TFAP4: variants seen among roughly 807,000 people sequenced by gnomAD.
The protein encoded by TFAP4 is transcription factor AP-4, also known as activating enhancer-binding protein 4.
Under a neutral mutation model 40.4 loss-of-function variants are expected in TFAP4, and 7 were observed. The observed-to-expected ratio is 0.17, with a 90% CI of 0.10 to 0.33. The LOEUF (loss-of-function observed/expected upper bound fraction) is 0.33. Among genes scored for constraint, TFAP4 ranks in the 10% least tolerant of loss-of-function variants. The pLI, the probability that TFAP4 is intolerant of heterozygous loss-of-function variation, is 1.00. For synonymous variants in TFAP4, 218 were observed against 181.4 expected, an observed-to-expected ratio of 1.20 and a Z score of -1.62; for missense variants, 374 against 451.1, an observed-to-expected ratio of 0.83 and a Z score of 1.55.
intron 6 of TFAP4, 86 bp downstream of exon 6, chr16:4,260,004 T>C: frequency 6.8e-7 from 1 of 1,463,580 alleles, no homozygotes. Context: ...CTTCCTCCGC[T>C]TCTGCCCCTC....
At chr16:4,270,886 T>C (rs1326274717) in intron 1 of TFAP4, among the ~76,000 whole-genome samples, 4 of 152,050 alleles carry the variant, frequency 2.6e-5, no homozygotes, top group African/African-American at 4.8e-5. Flanking sequence ...AGGACAAGGG[T>C]TCAAGTTCCA....
At chr16:4,269,625 A>C (rs1186470139) in intron 1 of TFAP4, among the ~76,000 whole-genome samples, 1 of 151,526 alleles carries the variant, frequency 6.6e-6, no homozygotes, top group Non-Finnish European at 1.5e-5. Context: ...TCCTGGCCAA[A>C]ATGGTGAAAC....
Position 4,261,948 on chromosome 16 carries a change from T to C in TFAP4, c.356A>G (p.Glu119Gly). ...QNTQLKRFIQELSGSSPKRRR... is the reference protein window; with the variant it reads ...QNTQLKRFIQGLSGSSPKRRR... The stretch of plus-strand genomic sequence containing the variant: ...TCGCTTGGGGGACGAGCCGCTCAGC[T>C]CCTGGGGACCCCAAGGAGTCGGTCA... Residue 119 changes from glutamate to glycine, a missense_variant and splice_region_variant, in exon 4 of 7, where the codon GAG becomes GGG. Glu to Gly is a moderately conservative substitution (Grantham distance 98). This residue lies in a region of TFAP4 where 51 missense variants were observed against 91.1 expected (regional missense o/e 0.56). Transcript: ENST00000204517. The C allele has an allele frequency of 2.5e-6, 4 of 1,602,906 alleles. No homozygotes were observed. The highest frequency in any genetic ancestry group is 3.4e-6 in the Non-Finnish European group (4 of 1,175,946).
In TFAP4 at chr16:4,257,295, G is replaced by A. The variant is rs1213655269; in HGVS notation, c.*760C>T. 3 of 105,894 alleles carry A rather than the reference G, an allele frequency of 2.8e-5. No individual in the cohort carries two copies. The highest frequency in any genetic ancestry group is 1.2e-4 in the Admixed American group (1 of 8,680). 6.6% of individuals were successfully genotyped at this position (105,894 alleles called of 1,614,324 possible). ...AATATAATAGCTTCTCCTTGAACAC[G>A]AAGACCTCAAAATTGTAAAAAAAAA... is the stretch of plus-strand genomic sequence containing the variant. On this transcript the variant is annotated 3_prime_UTR_variant, in exon 7 of 7. Transcript: ENST00000204517.
chr16:4,260,890 G>A (rs2052942520), intron 4 of TFAP4, among the ~76,000 whole-genome samples: 1 of 152,234 alleles, frequency 6.6e-6, no homozygotes, highest in Non-Finnish European at 1.5e-5. Context: ...CACTTCCATG[G>A]AGATGCCGTG....
At chr16:4,272,588 G>T in intron 1 of TFAP4, 70 bp downstream of exon 1, 1 of 1,278,038 alleles carries the variant, frequency 7.8e-7, no homozygotes, top group East Asian at 2.8e-5. Context: ...GCGCACACGC[G>T]CGCCCGCCCG....
intron 6 of TFAP4, 132 bp downstream of exon 6, chr16:4,259,958 C>T: frequency 1.6e-6 from 2 of 1,247,056 alleles, no homozygotes; most frequent in East Asian, 2.7e-5. Flanking sequence ...CCCCCCAAGG[C>T]TTCCAGCCCT....
intron 1 of TFAP4, among the ~76,000 whole-genome samples, chr16:4,267,694 C>T (rs1388332294): frequency 6.6e-6 from 1 of 152,240 alleles, no homozygotes; most frequent in Non-Finnish European, 1.5e-5. Flanking sequence ...TTCACACTGC[C>T]CTGAAGTCAC....
chr16:4,262,607 G>C lies in TFAP4; in HGVS notation c.184C>G (p.Gln62Glu). The change falls in exon 2 of 7, where the codon CAG becomes GAG. Residue 62 changes from glutamine to glutamate, a missense_variant. This residue lies in a region of TFAP4 where 9 missense variants were observed against 38.6 expected (regional missense o/e 0.23). Transcript: ENST00000204517. Reference protein sequence around the residue: ...IANSNERRRMQSINAGFQSLK... With the variant: ...IANSNERRRMESINAGFQSLK... The stretch of plus-strand genomic sequence containing the variant: ...GACTGGAATCCCGCGTTGATGCTCT[G>C]CATGCGTCTCCGCTCGTTGCTGTTG... 1 of 1,612,284 alleles carries C rather than the reference G, an allele frequency of 6.2e-7. No individual in the cohort carries two copies. Among genetic ancestry groups the C allele is most frequent in the Non-Finnish European group, 8.5e-7 (1 of 1,180,010 alleles).
At position 4,257,275 on chromosome 16, in the gene TFAP4, A is replaced by G. The variant is rs568822881; in HGVS notation, c.*780T>C. 6.6e-6 allele frequency: 1 copy of G among 150,768 alleles called. No individual in the cohort carries two copies. Among genetic ancestry groups the G allele is most frequent in the African/African-American group, 2.4e-5 (1 of 40,926 alleles). The allele number at this position is 150,768 out of a possible 1,614,324, so 9.3% of individuals were successfully genotyped here. ...TCTCCCCACTTTCTTAACAAAATAT[A>G]ATAGCTTCTCCTTGAACACGAAGAC... is the stretch of plus-strand genomic sequence containing the variant. On this transcript the variant is annotated 3_prime_UTR_variant, in exon 7 of 7. Transcript: ENST00000204517.
At chr16:4,263,270 T>A (rs1270587806) in intron 1 of TFAP4, 1 of 153,756 alleles carries the variant, frequency 6.5e-6, no homozygotes, top group Non-Finnish European at 1.4e-5. Flanking sequence ...CATCAAAACA[T>A]CCAAGAGCTT....
rs765492125 is a variant in TFAP4 at position 4,272,663 on chromosome 16, G to C, written c.84C>G (p.Leu28=). The C allele has an allele frequency of 6.2e-7, 1 of 1,611,954 alleles. No homozygotes were observed. Among genetic ancestry groups the C allele is most frequent in the Non-Finnish European group, 8.5e-7 (1 of 1,178,852 alleles). The part of the protein sequence containing the change: ...RKTEKEVIGG[L]CSLANIPLTP... ...GGGGGAGGAGGAGTACACACCTACA[G>C]AGCCCTCCTATCACTTCTTTCTCTG... is the stretch of plus-strand genomic sequence containing the variant. The change falls in exon 1 of 7, where the codon CTC becomes CTG. Residue 28 remains leucine (L), a synonymous_variant. Coordinates refer to ENST00000204517, the MANE Select transcript of TFAP4 (RefSeq NM_003223.3).
At chr16:4,260,672 C>G in intron 4 of TFAP4, 77 bp from the exon 5 acceptor site, 1 of 1,477,772 alleles carries the variant, frequency 6.8e-7, no homozygotes, top group Admixed American at 2.3e-5. Flanking sequence ...GCAGCTCATT[C>G]ACTCCTGCTG....
chr16:4,261,714 G>A, intron 4 of TFAP4, 65 bp downstream of exon 4: 1 of 1,471,626 alleles, frequency 6.8e-7, no homozygotes, highest in East Asian at 2.4e-5. Context: ...CAGAGCAAGA[G>A]GCGCGACCCC....
In TFAP4 at chr16:4,262,685, G is replaced by T. The variant is rs1270706448; in HGVS notation, c.106C>A (p.Leu36Ile). ...GGLCSLANIP[L>I]TPETQRDQER... ...TGGTCCCGCTGAGTCTCGGGGGTTA[G>T]TGGAATGTTGGCAAGGCTGCCAGAG... is the stretch of plus-strand genomic sequence containing the variant. The change falls in exon 2 of 7, where the codon CTA (leucine) becomes ATA (isoleucine). Residue 36 changes from leucine (L) to isoleucine (I), a missense_variant. Coordinates refer to ENST00000204517, the MANE Select transcript of TFAP4 (RefSeq NM_003223.3). 2 of 1,609,076 alleles carry T rather than the reference G, an allele frequency of 1.2e-6. No homozygotes were observed. The highest frequency in any genetic ancestry group is 1.7e-6 in the Non-Finnish European group (2 of 1,179,972).
At position 4,260,442 on chromosome 16, in the gene TFAP4, G is replaced by A. The variant is rs761671551; in HGVS notation, c.666+13C>T. On this transcript the variant is annotated intron_variant, in intron 5 of 6. Transcript: ENST00000204517. ...CGGTCCCCAGAGCCCACTCCCGGGCGCCTCCTGCTCACCTGGGTCCGCAGC... is the reference window on the plus strand; with the variant it reads ...CGGTCCCCAGAGCCCACTCCCGGGCACCTCCTGCTCACCTGGGTCCGCAGC... The A allele has an allele frequency of 1.2e-5, 19 of 1,566,006 alleles. No homozygotes were observed. Among genetic ancestry groups the A allele is most frequent in the South Asian group, 4.7e-5 (4 of 85,384 alleles).
rs115481035 is a variant in TFAP4, at chr16:4,261,652, A to T, written c.525+127T>A. The T allele has an allele frequency of 1.2e-3, 1,304 of 1,130,930 alleles. 8 individuals are homozygous for T. The African/African-American group carries it at 0.019, about 16-fold the overall frequency. The allele number at this position is 1,130,930 out of a possible 1,614,324, so 70.1% of individuals were successfully genotyped here. ...CGTGTCTGGCTTGCTCCCCACTCCTAGGCCTGGCACCGCAGTAGGTGCTCC... is the reference window on the plus strand; with the variant it reads ...CGTGTCTGGCTTGCTCCCCACTCCTTGGCCTGGCACCGCAGTAGGTGCTCC... On this transcript the variant is annotated intron_variant, in intron 4 of 6. Transcript: ENST00000204517.
chr16:4,260,567 G>T lies in TFAP4; in HGVS notation c.554C>A (p.Pro185Gln). The T allele has an allele frequency of 6.2e-7, 1 of 1,610,016 alleles. No individual in the cohort carries two copies. Among genetic ancestry groups the T allele is most frequent in the Non-Finnish European group, 8.5e-7 (1 of 1,178,550 alleles). The change falls in exon 5 of 7, where the codon CCG becomes CAG. Residue 185 changes from proline (P) to glutamine (Q), a missense_variant. This residue lies in a region of TFAP4 where 161 missense variants were observed against 154.2 expected (regional missense o/e 1.04). Coordinates refer to ENST00000204517, the MANE Select transcript of TFAP4 (RefSeq NM_003223.3). ...CTGCGCAATCACCTTGAGCTTTTCC[G>T]GGTACATGTGGGCCTCCAGCGAGCG... The part of the protein sequence containing the change: ...QVRSLEAHMY[P>Q]EKLKVIAQQV...
intron 1 of TFAP4, chr16:4,267,954 A>T (rs1211893252): frequency 6.6e-6 from 1 of 152,670 alleles, no homozygotes; most frequent in Non-Finnish European, 1.5e-5. Flanking sequence ...CATCAGAAAC[A>T]TCCCTGCCTC....
Sources: gnomAD v4.1 joint callset for allele counts (sites outside exome capture counted in the v4.1 genomes callset) on GRCh38, gnomAD v4.1.1 for gene constraint, gnomAD v4.1.1 regional missense constraint, MANE v1.5 for transcripts, NCBI Gene and HGNC (gene_info 2026-07-23, HGNC 2026-07-21) for gene names.